TGIF1: variants seen among roughly 807,000 people sequenced by gnomAD.
The protein encoded by TGIF1 is TGFB induced factor homeobox 1, also known as homeobox protein TGIF1.
TGIF1 carries 4 observed loss-of-function variants against 19.3 expected under a neutral mutation model. That is an observed-to-expected ratio of 0.21 (90% confidence interval 0.10 to 0.47). The LOEUF (loss-of-function observed/expected upper bound fraction) is 0.47, where lower values mean the gene tolerates loss of function less well. TGIF1 is among the 20% of genes least tolerant of loss of function. The pLI, the probability that TGIF1 is intolerant of heterozygous loss-of-function variation, is 0.98. For missense variants in TGIF1, 275 were observed against 341.4 expected (o/e 0.81, Z 1.53); for synonymous variants, 122 against 129.3 (o/e 0.94, Z 0.38).
chr18:3,430,500 T>C (rs775130225), intron 2 of TGIF1, among the ~76,000 whole-genome samples: 1 of 152,112 alleles, frequency 6.6e-6, no homozygotes, highest in Non-Finnish European at 1.5e-5. Context: ...GGTTTAGTTT[T>C]GTTTTGTTTT....
chr18:3,449,671 C>T (rs1354979901), upstream of TGIF1: 2 of 985,232 alleles, frequency 2.0e-6, no homozygotes, highest in East Asian at 1.1e-4. Flanking sequence ...GTTCTTGTCT[C>T]GAATACTTTT....
upstream of TGIF1, chr18:3,449,563 C>G: frequency 1.0e-6 from 1 of 984,646 alleles, no homozygotes; most frequent in South Asian, 4.7e-5. Flanking sequence ...CCCCGCCGAC[C>G]TCCCACTGTC....
upstream of TGIF1, chr18:3,450,017 C>G: frequency 2.0e-6 from 2 of 991,848 alleles, no homozygotes; most frequent in Non-Finnish European, 2.4e-6. Flanking sequence ...CCGCCGCCCC[C>G]GAGGGACGAG....
intron 2 of TGIF1, among the ~76,000 whole-genome samples, chr18:3,433,575 G>A (rs750639309): frequency 6.6e-6 from 1 of 152,126 alleles, no homozygotes; most frequent in Admixed American, 6.6e-5. Flanking sequence ...AGGTTAAGAC[G>A]GAAAGCCTCC....
chr18:3,437,107 A>AAAT (rs761638871), intron 2 of TGIF1, among the ~76,000 whole-genome samples: 2 of 152,008 alleles, frequency 1.3e-5, no homozygotes, highest in Non-Finnish European at 2.9e-5. Flanking sequence ...TCCATCTCAA[A>AAAT]AATAATAATA....
chr18:3,430,671 ATTT>A (rs759165103), intron 2 of TGIF1, among the ~76,000 whole-genome samples: 5 of 130,348 alleles, frequency 3.8e-5, no homozygotes, highest in East Asian at 2.2e-4. Context: ...CACCCGGCTA[ATTT>A]TTTTTTTTTT....
chr18:3,425,451 CCG>C (rs1211950426), intron 2 of TGIF1, among the ~76,000 whole-genome samples: 1 of 152,202 alleles, frequency 6.6e-6, no homozygotes, highest in African/African-American at 2.4e-5. Context: ...AGCCATTATT[CCG>C]AAAGTCATAA....
chr18:3,453,230 T>C (rs1338866092), intron 1 of TGIF1, among the ~76,000 whole-genome samples: 1 of 152,076 alleles, frequency 6.6e-6, no homozygotes, highest in Non-Finnish European at 1.5e-5. Flanking sequence ...GAGACATTGC[T>C]CCCAGCTCAA....
At chr18:3,423,405 C>A (rs1026481026) in intron 2 of TGIF1, among the ~76,000 whole-genome samples, 5 of 152,072 alleles carry the variant, frequency 3.3e-5, no homozygotes, top group African/African-American at 1.2e-4. Flanking sequence ...TAAGGCTGAG[C>A]GCAGTGGCTC....
rs2082918731 is a variant in TGIF1, at chr18:3,451,341, C to G, written c.16+836C>G. The G allele has an allele frequency of 3.0e-6, 3 of 984,902 alleles. No individual in the cohort carries two copies. The highest frequency in any genetic ancestry group is 3.5e-5 in the African/African-American group (2 of 57,180). 61.0% of individuals were successfully genotyped at this position (984,902 alleles called of 1,614,324 possible). A position where few individuals can be genotyped will look rare whatever the true frequency, so the allele number is the denominator to read the frequency against. On this transcript the variant is annotated intron_variant, in intron 1 of 2. Coordinates refer to ENST00000343820, the MANE Select transcript of TGIF1 (RefSeq NM_003244.4). The surrounding 1 kb of genome is among the most constrained non-coding windows in gnomAD (Gnocchi z 5.4). ...CAGTTTGGTTTAAAAACAAAATACA[C>G]CGGAGGGGGACGGGGGGTGGAGAAA...
chr18:3,449,513 G>A, upstream of TGIF1: 1 of 985,450 alleles, frequency 1.0e-6, no homozygotes, highest in African/African-American at 1.7e-5. Flanking sequence ...GGGAACAGAC[G>A]TTCGTTTAGG....
In TGIF1 at chr18:3,414,765, T is replaced by C. The variant is rs534374842; in HGVS notation, c.-118+2511T>C. 3.0e-3 allele frequency among the ~76,000 whole-genome samples: 454 copies of C among 152,258 alleles called. 2 individuals carry two copies. The highest frequency in any genetic ancestry group is 4.9e-3 in the Non-Finnish European group (333 of 68,002). ...TTCATCAAAACCCCATAATATTCTA[T>C]GCCAGCATGGTGGTGCACAGCTGTA... On this transcript the variant is annotated intron_variant, in intron 1 of 3. Transcript: ENST00000401449.
chr18:3,448,369 G>A (rs1159860894), upstream of TGIF1: 3 of 1,007,542 alleles, frequency 3.0e-6, no homozygotes, highest in Admixed American at 5.3e-5. Context: ...CCCCTCTAAC[G>A]GGCGGCGGGG....
Position 3,458,177 on chromosome 18 carries a change from A to C in TGIF1, c.*237A>C. ...AATGTTTCTTGGTAGATTATTCATA[A>C]TGTGAGATGGTTCCCAATATCATGT... On this transcript the variant is annotated 3_prime_UTR_variant, in exon 3 of 3. Coordinates refer to ENST00000343820, the MANE Select transcript of TGIF1 (RefSeq NM_003244.4). 1 of 504,358 alleles carries C rather than the reference A, an allele frequency of 2.0e-6. No homozygotes were observed. The highest frequency in any genetic ancestry group is 3.5e-6 in the Non-Finnish European group (1 of 287,498). The allele number at this position is 504,358 out of a possible 1,614,324, so 31.2% of individuals were successfully genotyped here. A position where few individuals can be genotyped will look rare whatever the true frequency, so the allele number is the denominator to read the frequency against.
chr18:3,457,040 TGGG>T lies in TGIF1; in HGVS notation c.244-323_244-321del, dbSNP rs2143412901. ...TGGGGCAGTAGGTGATAGGTTAAAATGGGGAGAGTTAAAAAGTAAACCTCTCTC... is the reference window on the plus strand; with the variant it reads ...TGGGGCAGTAGGTGATAGGTTAAAATGAGAGTTAAAAAGTAAACCTCTCTC... On this transcript the variant is annotated intron_variant, in intron 2 of 2. Coordinates refer to ENST00000343820, the MANE Select transcript of TGIF1 (RefSeq NM_003244.4). The surrounding 1 kb of genome is among the most constrained non-coding windows in gnomAD (Gnocchi z 4.9). 1 of 554,372 alleles carries T rather than the reference TGGG, an allele frequency of 1.8e-6. No homozygotes were observed. Among genetic ancestry groups the T allele is most frequent in the African/African-American group, 1.9e-5 (1 of 53,294 alleles). 34.3% of individuals were successfully genotyped at this position (554,372 alleles called of 1,614,324 possible).
Position 3,457,194 on chromosome 18 carries a change from C to CT in TGIF1, c.244-168dup. ...AAGGCTTATGACAGGTGGTAGCTTG[C>CT]TTTCTTGGCGGAGCTCAGATACCTT... On this transcript the variant is annotated intron_variant, in intron 2 of 2. Coordinates refer to ENST00000343820, the MANE Select transcript of TGIF1 (RefSeq NM_003244.4). This position sits in a 1 kb window ranked among gnomAD's most constrained non-coding sequence, Gnocchi z 4.9. The CT allele has an allele frequency of 8.8e-6, 7 of 793,012 alleles. No homozygotes were observed. The highest frequency in any genetic ancestry group is 1.4e-5 in the Non-Finnish European group (7 of 493,134). 49.1% of individuals were successfully genotyped at this position (793,012 alleles called of 1,614,324 possible).
At chr18:3,417,821 G>A (rs1025393866) in intron 1 of TGIF1, among the ~76,000 whole-genome samples, 5 of 152,052 alleles carry the variant, frequency 3.3e-5, no homozygotes, top group South Asian at 4.2e-4. Context: ...TATTCTGGCC[G>A]GGTGCAGTGG....
chr18:3,426,000 A>G (rs2082462989), intron 2 of TGIF1, among the ~76,000 whole-genome samples: 1 of 151,764 alleles, frequency 6.6e-6, no homozygotes, highest in Non-Finnish European at 1.5e-5. Flanking sequence ...TCACAGCAGC[A>G]TCCTACGTTG....
chr18:3,443,752 C>T (rs2082703617), intron 2 of TGIF1, among the ~76,000 whole-genome samples: 1 of 151,910 alleles, frequency 6.6e-6, no homozygotes, highest in South Asian at 2.1e-4. Context: ...AGGCTGGTCT[C>T]GAACTCCTGA....
Sources: gnomAD v4.1 joint callset for allele counts (sites outside exome capture counted in the v4.1 genomes callset) on GRCh38, gnomAD v4.1.1 for gene constraint, Gnocchi (gnomAD v3.1) non-coding constraint, MANE v1.5 for transcripts, NCBI Gene and HGNC (gene_info 2026-07-23, HGNC 2026-07-21) for gene names.